SLC4A4: variants seen among roughly 807,000 people sequenced by gnomAD.
The protein encoded by SLC4A4 is electrogenic sodium bicarbonate cotransporter 1.
In SLC4A4, 27 loss-of-function variants were observed where a neutral mutation model predicts 111.5. The ratio of observed to expected loss-of-function variants is 0.24; its 90% CI spans 0.18 to 0.33. The LOEUF is 0.33. SLC4A4 is among the 10% of genes least tolerant of loss of function. The probability of loss-of-function intolerance (pLI) is 1.00; values close to 1 mark genes in which losing one functional copy is unlikely to be tolerated. For missense variants in SLC4A4, 909 were observed against 1,315.5 expected, an observed-to-expected ratio of 0.69 and a Z score of 4.78; for synonymous variants, 443 against 463.4, an observed-to-expected ratio of 0.96 and a Z score of 0.57.
intron 6 of SLC4A4, among the ~76,000 whole-genome samples, chr4:71,388,137 T>G (rs1167490508): frequency 6.6e-6 from 1 of 152,246 alleles, no homozygotes; most frequent in Non-Finnish European, 1.5e-5. Context: ...TTGCTGAAAG[T>G]ACTATTCTTT....
intron 1 of SLC4A4, among the ~76,000 whole-genome samples, chr4:71,220,059 C>T (rs1038782488): frequency 3.3e-5 from 5 of 152,230 alleles, no homozygotes; most frequent in Admixed American, 6.5e-5. Flanking sequence ...AGTAGCAGCA[C>T]GGTTTGAGAG....
intron 3 of SLC4A4, among the ~76,000 whole-genome samples, chr4:71,333,192 G>T (rs1234554048): frequency 6.6e-6 from 1 of 152,232 alleles, no homozygotes; most frequent in Non-Finnish European, 1.5e-5. Context: ...GGAATTGATT[G>T]TTGTGATCTA....
chr4:71,524,502 GC>G, intron 16 of SLC4A4, among the ~76,000 whole-genome samples: 1 of 152,140 alleles, frequency 6.6e-6, no homozygotes, highest in South Asian at 2.1e-4. Flanking sequence ...TCTCTTCTTT[GC>G]TCCTCAAATC....
At chr4:71,147,641 C>G (rs536226887) in intron 2 of SLC4A4, among the ~76,000 whole-genome samples, 10 of 152,212 alleles carry the variant, frequency 6.6e-5, no homozygotes, top group African/African-American at 1.9e-4. Flanking sequence ...GTCAGAATAT[C>G]AAGCTAATTT....
At chr4:71,087,776 G>C (rs1180814316) in intron 1 of SLC4A4, among the ~76,000 whole-genome samples, 1 of 152,054 alleles carries the variant, frequency 6.6e-6, no homozygotes, top group Non-Finnish European at 1.5e-5. Context: ...GAGACTGTTT[G>C]TTATAATTTC....
Position 71,362,685 on chromosome 4 carries a change from C to T in SLC4A4, c.730+5498C>T, listed in dbSNP as rs182621378. On this transcript the variant is annotated intron_variant, in intron 6 of 25. Transcript: ENST00000264485. ...GACCTTTCTCATCATAGCCCTCTTA[C>T]GTAATAATTTGTTCCCTTCATTGGT... Among the ~76,000 whole-genome samples the T allele has an allele frequency of 1.7e-3, 259 of 152,258 alleles. 2 individuals carry two copies. Among genetic ancestry groups the T allele is most frequent in the Non-Finnish European group, 1.6e-3 (106 of 68,012 alleles).
chr4:71,178,706 CTAAT>C (rs1405442876), intron 2 of SLC4A4, among the ~76,000 whole-genome samples: 1 of 152,054 alleles, frequency 6.6e-6, no homozygotes, highest in Admixed American at 6.6e-5. Context: ...AATTGAGGCA[CTAAT>C]TAATAGCTTA....
intron 6 of SLC4A4, among the ~76,000 whole-genome samples, chr4:71,366,094 A>G (rs1246320123): frequency 6.6e-6 from 1 of 152,156 alleles, no homozygotes; most frequent in Admixed American, 6.6e-5. Context: ...TTCCAAATGG[A>G]GATTTCTAGG....
At chr4:71,129,358 G>GA (rs961675654) in intron 2 of SLC4A4, among the ~76,000 whole-genome samples, 5 of 151,674 alleles carry the variant, frequency 3.3e-5, no homozygotes, top group African/African-American at 4.8e-5. Context: ...ACAAGTATAT[G>GA]AAAAAAAATG....
At chr4:71,275,349 G>A (rs978331613) in intron 3 of SLC4A4, among the ~76,000 whole-genome samples, 6 of 152,144 alleles carry the variant, frequency 3.9e-5, no homozygotes, top group Admixed American at 3.9e-4. Flanking sequence ...CATTTAAACT[G>A]AAGATGCAGT....
rs1400328325 is a variant in SLC4A4, at chr4:71,497,477, A to AATTTTAAT, written c.1975-23_1975-16dup. The AATTTTAAT allele has an allele frequency of 1.9e-6, 3 of 1,601,680 alleles. No individual in the cohort carries two copies. In the East Asian group the frequency reaches 6.7e-5, roughly 36 times the overall value. ...TTTATATGTCAATGTTCTCTAGAAA[A>AATTTTAAT]ATTTTAATGTTTTTCTTCTTCAGTA... On this transcript the variant is annotated intron_variant, in intron 15 of 25. Transcript: ENST00000264485.
chr4:71,066,634 A>G (rs1412577236), intron 1 of SLC4A4, among the ~76,000 whole-genome samples: 1 of 152,242 alleles, frequency 6.6e-6, no homozygotes. Flanking sequence ...AGAAAAGACA[A>G]ATTAATCAAA....
At chr4:71,497,426 A>G (rs1397592859) in intron 15 of SLC4A4, 75 bp from the exon 16 acceptor site, 3 of 1,201,286 alleles carry the variant, frequency 2.5e-6, no homozygotes, top group Non-Finnish European at 3.6e-6. Context: ...TAATTCCTAT[A>G]GCTCATCAAG....
At chr4:71,116,922 A>G (rs1449343142) in intron 2 of SLC4A4, among the ~76,000 whole-genome samples, 10 of 151,622 alleles carry the variant, frequency 6.6e-5, no homozygotes, top group Non-Finnish European at 1.3e-4. Context: ...CAGCCTGGGC[A>G]ACAAGAGCGA....
At chr4:71,186,508 G>T (rs1044743594), upstream of SLC4A4, among the ~76,000 whole-genome samples, 12 of 152,276 alleles carry the variant, frequency 7.9e-5, no homozygotes, top group Admixed American at 5.2e-4. Flanking sequence ...TGAGAGAAAA[G>T]GAACCTGGGA....
chr4:71,333,428 G>A (rs544828961), intron 3 of SLC4A4, among the ~76,000 whole-genome samples: 3 of 152,334 alleles, frequency 2.0e-5, no homozygotes, highest in East Asian at 3.9e-4. Context: ...GTTGGGGGAG[G>A]TGTGACTCAA....
chr4:71,504,912 T>C (rs1177872762), intron 16 of SLC4A4, among the ~76,000 whole-genome samples: 1 of 152,074 alleles, frequency 6.6e-6, no homozygotes, highest in Admixed American at 6.6e-5. Context: ...CCAGAGTGTG[T>C]TGTTTTTCTG....
chr4:71,423,146 G>T (rs1451901635), intron 7 of SLC4A4, among the ~76,000 whole-genome samples: 1 of 152,136 alleles, frequency 6.6e-6, no homozygotes, highest in African/African-American at 2.4e-5. Flanking sequence ...AAAGTCTCAG[G>T]ATACAAAGTC....
At chr4:71,138,409 G>A (rs1326541687) in intron 2 of SLC4A4, among the ~76,000 whole-genome samples, 1 of 152,142 alleles carries the variant, frequency 6.6e-6, no homozygotes, top group East Asian at 1.9e-4. Context: ...AACACATTAA[G>A]CAGAGCCTAT....
Sources: gnomAD v4.1 joint callset for allele counts (sites outside exome capture counted in the v4.1 genomes callset) on GRCh38, gnomAD v4.1.1 for gene constraint, MANE v1.5 for transcripts, NCBI Gene and HGNC (gene_info 2026-07-23, HGNC 2026-07-21) for gene names.